SLCO2A1: variants seen among roughly 807,000 people sequenced by gnomAD.
The protein encoded by SLCO2A1 is matrin F/G 1.
SLCO2A1 carries 60 observed loss-of-function variants against 71.7 expected under a neutral mutation model. That is an observed-to-expected ratio of 0.84 (90% CI 0.68 to 1.04). The LOEUF (loss-of-function observed/expected upper bound fraction) is 1.04. SLCO2A1 is among the 50% of genes least tolerant of loss of function. The pLI is 0.00. For missense variants in SLCO2A1, 745 were observed against 813.4 expected (o/e 0.92, Z 1.02); for synonymous variants, 308 against 326.7 (o/e 0.94, Z 0.62).
intron 12 of SLCO2A1, among the ~76,000 whole-genome samples, chr3:133,937,498 G>C (rs1933296828): frequency 6.6e-6 from 1 of 152,166 alleles, no homozygotes; most frequent in Non-Finnish European, 1.5e-5. Context: ...CCCCAGTAGA[G>C]ACATCACCAA....
intron 1 of SLCO2A1, among the ~76,000 whole-genome samples, chr3:133,981,519 C>T (rs1934589050): frequency 6.6e-6 from 1 of 152,144 alleles, no homozygotes. Flanking sequence ...GGCCCAAGCT[C>T]AGATCTACTG....
At chr3:133,993,717 T>C (rs73861298) in intron 1 of SLCO2A1, among the ~76,000 whole-genome samples, 1 of 152,230 alleles carries the variant, frequency 6.6e-6, no homozygotes, top group African/African-American at 2.4e-5. Flanking sequence ...CAGTAATTTG[T>C]TAGGTTGAAA....
chr3:133,965,766 C>CTGGGCCCAGGCAGCT (rs11276571), intron 3 of SLCO2A1, among the ~76,000 whole-genome samples: 42,091 of 125,442 alleles, frequency 0.34, 6,067 homozygotes, highest in African/African-American at 0.37. Flanking sequence ...CAGCACCGCA[C>CTGGGCCCAGGCAGCT]TGGGCCCCCA....
chr3:134,022,565 T>C (rs543412179), intron 1 of SLCO2A1, among the ~76,000 whole-genome samples: 44 of 152,190 alleles, frequency 2.9e-4, no homozygotes, highest in African/African-American at 1.1e-3. Flanking sequence ...GCATAACAGG[T>C]TTTTCTTAAA....
chr3:133,932,763 C>A lies in SLCO2A1; in HGVS notation c.*1950G>T, dbSNP rs886940255. On this transcript the variant is annotated 3_prime_UTR_variant, in exon 14 of 14. Transcript: ENST00000310926. ...TAGAATAAAGGTTTGGGAGTGCAAC[C>A]AATCTTCTAGAACCTGAAGGTTGGC... 1 of 152,500 alleles carries A rather than the reference C, an allele frequency of 6.6e-6. No individual in the cohort carries two copies. Among genetic ancestry groups the A allele is most frequent in the African/African-American group, 2.4e-5 (1 of 41,418 alleles). The allele number at this position is 152,500 out of a possible 1,614,324, so 9.4% of individuals were successfully genotyped here.
At chr3:133,995,062 A>C (rs551274956) in intron 1 of SLCO2A1, among the ~76,000 whole-genome samples, 1 of 152,278 alleles carries the variant, frequency 6.6e-6, no homozygotes, top group East Asian at 1.9e-4. Context: ...GAAACATTTC[A>C]CAAGCTAGGT....
chr3:133,967,153 A>G (rs1475629455), intron 3 of SLCO2A1, among the ~76,000 whole-genome samples: 2 of 152,152 alleles, frequency 1.3e-5, no homozygotes, highest in Non-Finnish European at 2.9e-5. Flanking sequence ...CCTCCCCCCA[A>G]GCAGACCTGT....
At chr3:134,009,250 G>A (rs1576457815) in intron 1 of SLCO2A1, among the ~76,000 whole-genome samples, 1 of 152,176 alleles carries the variant, frequency 6.6e-6, no homozygotes, top group South Asian at 2.1e-4. Context: ...GTATAGGTAC[G>A]TGCCCTTCAA....
intron 11 of SLCO2A1, among the ~76,000 whole-genome samples, chr3:133,941,102 C>T (rs1209603150): frequency 1.3e-5 from 2 of 152,168 alleles, no homozygotes; most frequent in African/African-American, 4.8e-5. Context: ...CTCACATCTT[C>T]TGCCAGCATC....
At chr3:133,984,604 C>T (rs996395783) in intron 1 of SLCO2A1, among the ~76,000 whole-genome samples, 1 of 152,180 alleles carries the variant, frequency 6.6e-6, no homozygotes, top group Non-Finnish European at 1.5e-5. Flanking sequence ...TCGAACTTAC[C>T]AAGTACCTCC....
chr3:133,979,673 T>C (rs1934541259), intron 1 of SLCO2A1, 55 bp from the exon 2 acceptor site: 3 of 1,541,246 alleles, frequency 1.9e-6, no homozygotes, highest in South Asian at 1.3e-5. Context: ...CCTGGCGCCC[T>C]CCCAGCCATC....
At chr3:133,950,580 A>G (rs1277863057) in intron 6 of SLCO2A1, among the ~76,000 whole-genome samples, 2 of 152,098 alleles carry the variant, frequency 1.3e-5, no homozygotes, top group African/African-American at 4.8e-5. Context: ...ATTGCCACCC[A>G]AGTGGCCACC....
intron 11 of SLCO2A1, among the ~76,000 whole-genome samples, chr3:133,940,105 C>G (rs1933378114): frequency 6.6e-6 from 1 of 151,924 alleles, no homozygotes; most frequent in South Asian, 2.1e-4. Flanking sequence ...GTAGCTGGGA[C>G]TACAGGCGCC....
chr3:133,953,456 C>T (rs937898069), intron 5 of SLCO2A1, among the ~76,000 whole-genome samples: 1 of 152,242 alleles, frequency 6.6e-6, no homozygotes, highest in Non-Finnish European at 1.5e-5. Flanking sequence ...GCTTGTTCCT[C>T]ACAGTGGCCA....
intron 1 of SLCO2A1, among the ~76,000 whole-genome samples, chr3:134,020,128 C>T (rs1418452986): frequency 6.6e-6 from 1 of 152,070 alleles, no homozygotes; most frequent in Non-Finnish European, 1.5e-5. Context: ...ATGCAGCCCC[C>T]AGTCACGCAC....
intron 2 of SLCO2A1, among the ~76,000 whole-genome samples, chr3:133,977,451 G>C (rs551163647): frequency 2.0e-5 from 3 of 152,250 alleles, no homozygotes; most frequent in Admixed American, 6.5e-5. Flanking sequence ...GTTGTTTCCG[G>C]GCCCACATTT....
intron 1 of SLCO2A1, among the ~76,000 whole-genome samples, chr3:133,981,208 A>C (rs1429404729): frequency 1.3e-5 from 2 of 152,164 alleles, no homozygotes; most frequent in African/African-American, 4.8e-5. Context: ...TCAACAGAGC[A>C]AGCTTAGCCA....
intron 1 of SLCO2A1, among the ~76,000 whole-genome samples, chr3:133,998,177 T>C (rs9816680): frequency 0.95 from 145,354 of 152,274 alleles, 69,708 homozygotes; most frequent in East Asian, 1. Flanking sequence ...TCCCATTTCA[T>C]CTTTCCTAGG....
At chr3:133,985,236 T>C (rs1331465177) in intron 1 of SLCO2A1, among the ~76,000 whole-genome samples, 1 of 152,174 alleles carries the variant, frequency 6.6e-6, no homozygotes, top group Non-Finnish European at 1.5e-5. Context: ...ACTACAATCC[T>C]CCCTCACGAA....
Sources: allele counts gnomAD v4.1 joint callset (sites outside exome capture counted in the v4.1 genomes callset), GRCh38; gene constraint gnomAD v4.1.1; transcripts MANE v1.5; gene names NCBI Gene and HGNC (gene_info 2026-07-23, HGNC 2026-07-21).